CAPRIN2: variants seen among roughly 807,000 people sequenced by gnomAD.
CAPRIN2 encodes caprin-2.
CAPRIN2 carries 66 observed loss-of-function variants against 130.4 expected under a neutral mutation model. The ratio of observed to expected loss-of-function variants is 0.51; its 90% CI spans 0.42 to 0.62. The LOEUF is 0.62. Among genes scored for constraint, CAPRIN2 ranks in the 20% least tolerant of loss-of-function variants. CAPRIN2 has a pLI of 0.00. For synonymous variants in CAPRIN2, 471 were observed against 444.1 expected, an observed-to-expected ratio of 1.06 and a Z score of -0.76; for missense variants, 1,185 against 1,246.6, an observed-to-expected ratio of 0.95 and a Z score of 0.74.
Position 30,726,107 on chromosome 12 carries a change from A to ATGC in CAPRIN2, c.1783-20_1783-19insGCA. On this transcript the variant is annotated intron_variant, in intron 8 of 16. Transcript: ENST00000298892. ...TAGGCACCTACAAGATAAACCCATA[A>ATGC]TGTGTAAGAGTGAAATGCAAATTCA... 2 of 1,459,012 alleles carry ATGC rather than the reference A, an allele frequency of 1.4e-6. No individual in the cohort carries two copies. The highest frequency in any genetic ancestry group is 1.8e-6 in the Non-Finnish European group (2 of 1,097,260). 90.4% of individuals were successfully genotyped at this position (1,459,012 alleles called of 1,614,324 possible). A position where few individuals can be genotyped will look rare whatever the true frequency, so the allele number is the denominator to read the frequency against.
In CAPRIN2 at chr12:30,728,875, T is replaced by A. The variant is rs2304630; in HGVS notation, c.1555A>T (p.Met519Leu). ...TTGGTGGTGTTCTGTTCGCTCTGCA[T>A]GGAAGGTGTCCAAGACTTTGGAGTT... The change falls in exon 8 of 17, where the codon ATG becomes TTG. Residue 519 changes from methionine to leucine, a missense_variant. Met to Leu is a conservative substitution (Grantham distance 15). Around this residue, in one of 2 missense-constraint regions of CAPRIN2, gnomAD observed 1,104 missense variants for 1,104.3 expected, o/e 1.00. Transcript: ENST00000298892. The A allele has an allele frequency of 2.6e-5, 42 of 1,613,910 alleles. No homozygotes were observed. The South Asian group carries it at 4.3e-4, about 16-fold the overall frequency.
exon 8 of CAPRIN2, chr12:30,728,953 T>A: frequency 6.2e-7 from 1 of 1,614,164 alleles, no homozygotes; most frequent in Non-Finnish European, 8.5e-7. Flanking sequence ...AGCTTTGGTG[T>A]CTCCTGTTTC....
At chr12:30,752,082 C>G (rs2074252197) in intron 1 of CAPRIN2, among the ~76,000 whole-genome samples, 2 of 151,846 alleles carry the variant, frequency 1.3e-5, no homozygotes, top group African/African-American at 4.8e-5. Flanking sequence ...CCACGCCTGG[C>G]TAATTCTTTT....
At chr12:30,727,112 A>C (rs2061183693) in intron 8 of CAPRIN2, among the ~76,000 whole-genome samples, 1 of 152,216 alleles carries the variant, frequency 6.6e-6, no homozygotes, top group Non-Finnish European at 1.5e-5. Flanking sequence ...CTGGTATGAT[A>C]AAGGTTCTGC....
At chr12:30,709,884 T>A in exon 17 of CAPRIN2, 1 of 1,583,734 alleles carries the variant, frequency 6.3e-7, no homozygotes. Flanking sequence ...CCTTTTATTG[T>A]CAATACTGTA....
exon 4 of CAPRIN2, chr12:30,735,143 T>G (rs2064164712): frequency 6.2e-7 from 1 of 1,614,214 alleles, no homozygotes; most frequent in Non-Finnish European, 8.5e-7. Flanking sequence ...CGAAGCTTTT[T>G]CTTCTCAGCC....
intron 12 of CAPRIN2, among the ~76,000 whole-genome samples, chr12:30,717,798 T>C (rs1464334218): frequency 6.6e-6 from 1 of 152,160 alleles, no homozygotes; most frequent in African/African-American, 2.4e-5. Context: ...CAAGCAACGA[T>C]CTGTCCTTCT....
Position 30,710,248 on chromosome 12 carries a change from A to G in CAPRIN2, c.2888T>C (p.Leu963Ser). 6.2e-7 allele frequency: 1 copy of G among 1,614,208 alleles called. No homozygotes were observed. Among genetic ancestry groups the G allele is most frequent in the Non-Finnish European group, 8.5e-7 (1 of 1,180,032 alleles). ...AAGATCAAACACAATAGGTTGGTCTAAAGTTCCAGGGGCCAGATTAGAGGT... is the reference window on the plus strand; with the variant it reads ...AAGATCAAACACAATAGGTTGGTCTGAAGTTCCAGGGGCCAGATTAGAGGT... The change falls in exon 17 of 17, where the codon TTA (leucine) becomes TCA (serine). Residue 963 changes from leucine to serine, a missense_variant. Leu to Ser is a moderately radical substitution (Grantham distance 145, BLOSUM62 -2). This residue lies in a region of CAPRIN2 where 81 missense variants were observed against 142.2 expected (regional missense o/e 0.57). Transcript: ENST00000298892. The surrounding 1 kb of genome is among the most constrained non-coding windows in gnomAD (Gnocchi z 4.8).
At chr12:30,744,870 G>A (rs1299647739) in intron 2 of CAPRIN2, among the ~76,000 whole-genome samples, 13 of 152,140 alleles carry the variant, frequency 8.5e-5, no homozygotes, top group Non-Finnish European at 4.4e-5. Context: ...AGATAGTTCA[G>A]ATGATCTTAG....
In CAPRIN2 at chr12:30,710,333, G is replaced by C; in HGVS notation, c.2803C>G (p.Leu935Val). 6.2e-7 allele frequency: 1 copy of C among 1,614,182 alleles called. No individual in the cohort carries two copies. Among genetic ancestry groups the C allele is most frequent in the South Asian group, 1.1e-5 (1 of 91,086 alleles). Reference sequence around the variant, plus strand: ...GGCAGAGGGTAGACGTGTACTGGCAGTATGGTGGCTGCTGGATTTGTCACT... The same window carrying C: ...GGCAGAGGGTAGACGTGTACTGGCACTATGGTGGCTGCTGGATTTGTCACT... Residue 935 changes from leucine to valine, a missense_variant, in exon 17 of 17, where the codon CTG becomes GTG. By Grantham distance (32) the Leu-to-Val change is conservative (BLOSUM62 1). Around this residue, in one of 2 missense-constraint regions of CAPRIN2, gnomAD observed 1,104 missense variants for 1,104.3 expected, o/e 1.00. Transcript: ENST00000298892. The surrounding 1 kb of genome is among the most constrained non-coding windows in gnomAD (Gnocchi z 4.8).
At chr12:30,750,132 T>A (rs1254978728) in intron 2 of CAPRIN2, among the ~76,000 whole-genome samples, 1 of 152,234 alleles carries the variant, frequency 6.6e-6, no homozygotes, top group Non-Finnish European at 1.5e-5. Context: ...TCTCCCCAGC[T>A]AAGTGAGCGC....
chr12:30,732,442 CTATCT>C lies in CAPRIN2; in HGVS notation c.893-937_893-933del, dbSNP rs535177670. On this transcript the variant is annotated intron_variant, in intron 5 of 16. Coordinates refer to ENST00000298892, the Ensembl canonical transcript of CAPRIN2. ...GATATAATTTACAGGCAAAATCCTC[CTATCT>C]TAACTATACAGTTTTAACAGATATT... Among the ~76,000 whole-genome samples, 11 of 151,978 alleles carry C rather than the reference CTATCT, an allele frequency of 7.2e-5. No individual in the cohort carries two copies. In the South Asian group the frequency reaches 1.9e-3, roughly 26 times the overall value.
At chr12:30,746,685 C>T (rs1434068108) in intron 2 of CAPRIN2, among the ~76,000 whole-genome samples, 1 of 152,144 alleles carries the variant, frequency 6.6e-6, no homozygotes, top group East Asian at 1.9e-4. Context: ...TAGAACAAGA[C>T]CCTAACTCTC....
chr12:30,731,295 T>C (rs1233965976), intron 6 of CAPRIN2, 48 bp downstream of exon 7: 1 of 1,469,550 alleles, frequency 6.8e-7, no homozygotes, highest in East Asian at 2.3e-5. Context: ...TCATTTGGGG[T>C]ATTAAAAAAT....
At chr12:30,724,289 T>A in intron 10 of CAPRIN2, 81 bp downstream of exon 11, 1 of 867,832 alleles carries the variant, frequency 1.2e-6, no homozygotes. Context: ...ACATCTAAAA[T>A]AAAATCATTT....
rs878879989 is a variant in CAPRIN2, at chr12:30,710,357, C to T, written c.2779G>A (p.Val927Met). The T allele has an allele frequency of 1.9e-6, 3 of 1,614,138 alleles. No individual in the cohort carries two copies. In the South Asian group the frequency reaches 3.3e-5, roughly 18 times the overall value. Residue 927 changes from valine to methionine, a missense_variant, in exon 17 of 17, where the codon GTG (valine) becomes ATG (methionine). By Grantham distance (21) the Val-to-Met change is conservative (BLOSUM62 1). Around this residue, in one of 2 missense-constraint regions of CAPRIN2, gnomAD observed 1,104 missense variants for 1,104.3 expected, o/e 1.00. Transcript: ENST00000298892. The surrounding 1 kb of genome is among the most constrained non-coding windows in gnomAD (Gnocchi z 4.8). ...AGTATGGTGGCTGCTGGATTTGTCA[C>T]TGGCACATCCACAGGGGTCATGCTA...
chr12:30,740,661 T>G (rs879419173), intron 3 of CAPRIN2, among the ~76,000 whole-genome samples: 4 of 152,196 alleles, frequency 2.6e-5, no homozygotes, highest in Admixed American at 6.5e-5. Flanking sequence ...GAAGCCTATC[T>G]TATATAAATT....
chr12:30,723,195 T>C, intron 11 of CAPRIN2, 64 bp downstream of exon 12: 5 of 1,139,022 alleles, frequency 4.4e-6, no homozygotes, highest in Non-Finnish European at 6.6e-6. Flanking sequence ...GTCTGATTAT[T>C]CTTTCCAAAG....
At position 30,734,884 on chromosome 12, in the gene CAPRIN2, ACACT is replaced by A. The variant is rs1332455957; in HGVS notation, c.809+80_809+83del. ...CACACACACACACACACACACACAC[ACACT>A]CTCTCTCTCACATACACACACCCCT... On this transcript the variant is annotated intron_variant, in intron 4 of 16. Transcript: ENST00000298892. 8.3e-3 allele frequency: 4,221 copies of A among 511,498 alleles called. 65 individuals are homozygous for A. Among genetic ancestry groups the A allele is most frequent in the East Asian group, 0.032 (640 of 19,950 alleles). 31.7% of individuals were successfully genotyped at this position (511,498 alleles called of 1,614,324 possible).
Sources: gnomAD v4.1 joint callset for allele counts (sites outside exome capture counted in the v4.1 genomes callset) on GRCh38, gnomAD v4.1.1 for gene constraint, gnomAD v4.1.1 regional missense constraint, Gnocchi (gnomAD v3.1) non-coding constraint, MANE v1.5 for transcripts, NCBI Gene and HGNC (gene_info 2026-07-23, HGNC 2026-07-21) for gene names.